The following PLA2G2F variants were observed in gnomAD, a reference collection of about 807,000 sequenced individuals.
The protein encoded by PLA2G2F is group IIF secretory phospholipase A2.
In PLA2G2F, 17 loss-of-function variants were observed where a neutral mutation model predicts 15.9. The ratio of observed to expected loss-of-function variants is 1.07; its 90% confidence interval spans 0.73 to 1.60. The LOEUF (loss-of-function observed/expected upper bound fraction) is 1.60, where lower values mean the gene tolerates loss of function less well. Among genes scored for constraint, PLA2G2F ranks in the 40% most tolerant of loss-of-function variants. The pLI, the probability that PLA2G2F is intolerant of heterozygous loss-of-function variation, is 0.00. For synonymous variants in PLA2G2F, 119 were observed against 106.5 expected (o/e 1.12, Z -0.72); for missense variants, 299 against 278.2 (o/e 1.07, Z -0.53).
chr1:20,143,405 C>A (rs1048624047), intron 2 of PLA2G2F, 41 bp from the exon 3 acceptor site: 1 of 1,601,220 alleles, frequency 6.2e-7, no homozygotes, highest in African/African-American at 1.3e-5. Flanking sequence ...AGCGGCCAGC[C>A]CCGGGGCAGG....
chr1:20,148,385 C>T lies in PLA2G2F; in HGVS notation c.620C>T (p.Pro207Leu), dbSNP rs779519255. The T allele has an allele frequency of 1.9e-6, 3 of 1,612,156 alleles. No homozygotes were observed. The highest frequency in any genetic ancestry group is 2.5e-6 in the Non-Finnish European group (3 of 1,178,576). The part of the protein sequence containing the change: ...EVTCSHQSPA[P>L]PAPP ...ACCTGCAGTCACCAATCCCCAGCGCCCCCCGCCCCTCCCTAGAGCCTCTGA... is the reference window on the plus strand; with the variant it reads ...ACCTGCAGTCACCAATCCCCAGCGCTCCCCGCCCCTCCCTAGAGCCTCTGA... The change falls in exon 5 of 5, where the codon CCC becomes CTC. Residue 207 changes from proline to leucine, a missense_variant. Transcript: ENST00000375102.
chr1:20,143,016 G>T (rs2017507170), intron 2 of PLA2G2F: 1 of 155,004 alleles, frequency 6.5e-6, no homozygotes. Context: ...TCCAAATTCT[G>T]TCTCCACTGC....
At chr1:20,144,438 C>T (rs1290645516) in intron 3 of PLA2G2F, 142 bp from the exon 4 acceptor site, 13 of 666,356 alleles carry the variant, frequency 2.0e-5, no homozygotes, top group Non-Finnish European at 2.7e-6. Flanking sequence ...GCTGTGTGAC[C>T]TCAGACAAGT....
rs767574329 is a variant in PLA2G2F at position 20,143,482 on chromosome 1, A to C, written c.206A>C (p.Lys69Thr). 102 of 1,613,940 alleles carry C rather than the reference A, an allele frequency of 6.3e-5. No individual in the cohort carries two copies. The highest frequency in any genetic ancestry group is 8.4e-5 in the Non-Finnish European group (99 of 1,179,976). ...STAHGSLLNL[K>T]AMVEAVTGRS... ...GCTCACGGCAGCCTGCTCAACCTGA[A>C]GGCCATGGTGGAGGCCGTCACAGGG... The change falls in exon 3 of 5, where the codon AAG becomes ACG. Residue 69 changes from lysine to threonine, a missense_variant. Lys to Thr is a moderately conservative substitution (Grantham distance 78, BLOSUM62 -1). Transcript: ENST00000375102.
At chr1:20,141,429 T>G (rs9660853) in intron 2 of PLA2G2F, 1 of 152,662 alleles carries the variant, frequency 6.6e-6, no homozygotes, top group African/African-American at 2.4e-5. Context: ...GTTTGAGGTG[T>G]CTGGGAATGA....
At chr1:20,139,944 T>C (rs551290093) in intron 1 of PLA2G2F, among the ~76,000 whole-genome samples, 58 of 151,352 alleles carry the variant, frequency 3.8e-4, no homozygotes, top group African/African-American at 1.4e-3. Context: ...CCTGCCAGAG[T>C]GGGGGGCAAG....
Position 20,148,561 on chromosome 1 carries a change from G to T in PLA2G2F, c.*160G>T. ...CTCAGCTCTCAGAGGACTCAGGAAG[G>T]CCTGGGTCCTGACTCCCCCAGCCCA... On this transcript the variant is annotated 3_prime_UTR_variant, in exon 5 of 5. Coordinates refer to ENST00000375102, the MANE Select transcript of PLA2G2F (RefSeq NM_022819.4). The T allele has an allele frequency of 1.6e-6, 1 of 635,304 alleles. No homozygotes were observed. The highest frequency in any genetic ancestry group is 2.7e-6 in the Non-Finnish European group (1 of 367,686). 39.4% of individuals were successfully genotyped at this position (635,304 alleles called of 1,614,324 possible).
At chr1:20,143,335 C>T (rs953108208) in intron 2 of PLA2G2F, 111 bp from the exon 3 acceptor site, 1 of 1,378,012 alleles carries the variant, frequency 7.3e-7, no homozygotes, top group Non-Finnish European at 9.9e-7. Flanking sequence ...TTCCTTCTCC[C>T]ACCTACCCTA....
chr1:20,142,065 C>G (rs1418921994), intron 2 of PLA2G2F: 2 of 152,240 alleles, frequency 1.3e-5, no homozygotes, highest in African/African-American at 4.8e-5. Context: ...CAAGAGTGGC[C>G]TTTGGGATTC....
intron 3 of PLA2G2F, 21 bp downstream of exon 3, chr1:20,143,611 C>G (rs779703232): frequency 1.2e-6 from 2 of 1,610,178 alleles, no homozygotes; most frequent in Non-Finnish European, 1.7e-6. Context: ...GAGGCCTGGG[C>G]TCCTGTCAGG....
intron 1 of PLA2G2F, 43 bp downstream of exon 1, chr1:20,139,586 C>A (rs1328703121): frequency 7.2e-7 from 1 of 1,388,220 alleles, no homozygotes; most frequent in East Asian, 2.6e-5. Flanking sequence ...CAGGGAGGGG[C>A]AGGGACAGGC....
intron 4 of PLA2G2F, 41 bp downstream of exon 4, chr1:20,144,730 G>A (rs755926839): frequency 1.3e-6 from 2 of 1,494,944 alleles, no homozygotes; most frequent in African/African-American, 1.4e-5. Context: ...AGAGAAGGGA[G>A]TGGCTGGCTC....
intron 2 of PLA2G2F, chr1:20,142,605 C>T (rs41264137): frequency 0.018 from 2,729 of 152,734 alleles, 55 homozygotes; most frequent in South Asian, 0.074. Context: ...TGGCAGGTGC[C>T]ATGAAGCTGA....
chr1:20,150,130 C>T lies in PLA2G2F; in HGVS notation c.*1729C>T, dbSNP rs368905825. On this transcript the variant is annotated 3_prime_UTR_variant, in exon 5 of 5. Transcript: ENST00000375102. ...CCCACGCCCCCCACCCCCCATGCCA[C>T]ACTGCCGCCTCTTGCTGGCCATGGT... is the stretch of plus-strand genomic sequence containing the variant. 1.6e-3 allele frequency: 247 copies of T among 152,468 alleles called. 1 individual carries two copies. Among genetic ancestry groups the T allele is most frequent in the Middle Eastern group, 0.01 (3 of 296 alleles). The allele number at this position is 152,468 out of a possible 1,614,324, so 9.4% of individuals were successfully genotyped here.
chr1:20,143,469 C>T lies in PLA2G2F; in HGVS notation c.193C>T (p.Leu65=), dbSNP rs1157794432. 1 of 1,614,032 alleles carries T rather than the reference C, an allele frequency of 6.2e-7. No individual in the cohort carries two copies. The highest frequency in any genetic ancestry group is 1.7e-5 in the Admixed American group (1 of 60,016). Reference sequence around the variant, plus strand: ...AGTTCTGTCCACAGCTCACGGCAGCCTGCTCAACCTGAAGGCCATGGTGGA... The same window carrying T: ...AGTTCTGTCCACAGCTCACGGCAGCTTGCTCAACCTGAAGGCCATGGTGGA... ...GSVLSTAHGS[L]LNLKAMVEAV... Residue 65 remains leucine (L), a synonymous_variant, in exon 3 of 5, where the codon CTG becomes TTG. Transcript: ENST00000375102.
rs371020187 is a variant in PLA2G2F at position 20,139,583 on chromosome 1, G to A, written c.116+40G>A. Reference sequence around the variant, plus strand: ...CCCTGAGATGGAATCCTCCAGGGAGGGGCAGGGACAGGCGTGAGGGACTGG... The same window carrying A: ...CCCTGAGATGGAATCCTCCAGGGAGAGGCAGGGACAGGCGTGAGGGACTGG... On this transcript the variant is annotated intron_variant, in intron 1 of 4. Coordinates refer to ENST00000375102, the MANE Select transcript of PLA2G2F (RefSeq NM_022819.4). The A allele has an allele frequency of 1.2e-3, 1,698 of 1,407,860 alleles. 2 individuals carry two copies. Among genetic ancestry groups the A allele is most frequent in the Non-Finnish European group, 1.5e-3 (1,629 of 1,052,176 alleles). The allele number at this position is 1,407,860 out of a possible 1,614,324, so 87.2% of individuals were successfully genotyped here.
intron 2 of PLA2G2F, chr1:20,143,166 A>C: frequency 2.6e-6 from 1 of 383,352 alleles, no homozygotes; most frequent in East Asian, 4.4e-5. Context: ...GGCTTGGGAC[A>C]GTACCTGGCA....
chr1:20,149,977 G>A lies in PLA2G2F; in HGVS notation c.*1576G>A, dbSNP rs943564317. The A allele has an allele frequency of 6.6e-6, 1 of 152,290 alleles. No individual in the cohort carries two copies. Among genetic ancestry groups the A allele is most frequent in the Non-Finnish European group, 1.5e-5 (1 of 68,200 alleles). The allele number at this position is 152,290 out of a possible 1,614,324, so 9.4% of individuals were successfully genotyped here. ...TCGCTGGGGAGGGAGAGCCGGGAAG[G>A]GTGGAGAAGGAGGCAGAAGGGACAT... is the stretch of plus-strand genomic sequence containing the variant. On this transcript the variant is annotated 3_prime_UTR_variant, in exon 5 of 5. Coordinates refer to ENST00000375102, the MANE Select transcript of PLA2G2F (RefSeq NM_022819.4).
intron 2 of PLA2G2F, 125 bp from the exon 3 acceptor site, chr1:20,143,321 C>T: frequency 7.8e-7 from 1 of 1,278,288 alleles, no homozygotes; most frequent in Non-Finnish European, 1.1e-6. Context: ...CTCCTGCTTT[C>T]TCCTTCCTTC....
Sources: gnomAD v4.1 joint callset for allele counts (sites outside exome capture counted in the v4.1 genomes callset) on GRCh38, gnomAD v4.1.1 for gene constraint, MANE v1.5 for transcripts, NCBI Gene and HGNC (gene_info 2026-07-23, HGNC 2026-07-21) for gene names.